ASIC4: variants seen among roughly 807,000 people sequenced by gnomAD.
ASIC4 encodes the protein acid-sensing ion channel 4.
A neutral mutation model predicts 53.4 loss-of-function variants in ASIC4; 28 were observed. That is an observed-to-expected ratio of 0.52 (90% CI 0.39 to 0.72). ASIC4 has a LOEUF of 0.72. Ranked by LOEUF, ASIC4 falls within the 30% of genes least tolerant of loss-of-function variation. ASIC4 has a pLI of 0.00. For missense variants in ASIC4, 649 were observed against 729.7 expected, an observed-to-expected ratio of 0.89 and a Z score of 1.27; for synonymous variants, 289 against 301.4, an observed-to-expected ratio of 0.96 and a Z score of 0.43.
chr2:219,519,592 G>A (rs1471685737), intron 1 of ASIC4, among the ~76,000 whole-genome samples: 1 of 152,236 alleles, frequency 6.6e-6, no homozygotes, highest in Non-Finnish European at 1.5e-5. Context: ...CTCTGCACCT[G>A]TGCTTGTCCA....
intron 1 of ASIC4, among the ~76,000 whole-genome samples, chr2:219,526,025 C>G (rs961038592): frequency 3.9e-5 from 6 of 152,346 alleles, no homozygotes; most frequent in East Asian, 1.9e-4. Flanking sequence ...CTGGCTGCTT[C>G]TTATCTCCTG....
intron 4 of ASIC4, 107 bp from the exon 5 acceptor site, chr2:219,532,776 G>A (rs1695064426): frequency 9.1e-7 from 1 of 1,095,816 alleles, no homozygotes; most frequent in Admixed American, 2.0e-5. Flanking sequence ...GCACATTTAT[G>A]CAAATGTGTG....
chr2:219,533,146 G>T, intron 5 of ASIC4: 1 of 614,262 alleles, frequency 1.6e-6, no homozygotes, highest in Non-Finnish European at 2.9e-6. Flanking sequence ...GGAGGCAGCA[G>T]GGTGGGGGGT....
upstream of ASIC4, among the ~76,000 whole-genome samples, chr2:219,509,496 C>A (rs1159677489): frequency 6.6e-6 from 1 of 152,138 alleles, no homozygotes; most frequent in African/African-American, 2.4e-5. This position sits in a 1 kb window ranked among gnomAD's most constrained non-coding sequence, Gnocchi z 5.2. Context: ...ATTACCCGGC[C>A]CCGCCTGCCA....
intron 1 of ASIC4, among the ~76,000 whole-genome samples, chr2:219,522,777 G>A (rs916363272): frequency 1.3e-5 from 2 of 152,102 alleles, no homozygotes; most frequent in Non-Finnish European, 2.9e-5. Flanking sequence ...TCCCTCCGCG[G>A]TGGAAGCCTC....
At chr2:219,521,468 T>C (rs1343737021) in intron 1 of ASIC4, among the ~76,000 whole-genome samples, 1 of 152,232 alleles carries the variant, frequency 6.6e-6, no homozygotes, top group Non-Finnish European at 1.5e-5. Context: ...CTGCTCCCTC[T>C]TGTGGCTGGC....
chr2:219,519,260 T>C (rs1292715531), intron 1 of ASIC4, among the ~76,000 whole-genome samples: 1 of 152,204 alleles, frequency 6.6e-6, no homozygotes, highest in Non-Finnish European at 1.5e-5. Flanking sequence ...CTTAGCACAC[T>C]ACCTGGCACA....
Position 219,514,935 on chromosome 2 carries a change from G to A in ASIC4, c.211G>A (p.Ala71Thr), listed in dbSNP as rs371198006. Residue 71 changes from alanine (A) to threonine (T), a missense_variant, in exon 1 of 10, where the codon GCA (alanine) becomes ACA (threonine). Coordinates refer to ENST00000358078, the MANE Select transcript of ASIC4 (RefSeq NM_018674.6). ...CCACGGACTGCGCAGAACCCTGTGG[G>A]CACTGGCCCTACTCACCTCGCTGGC... is the stretch of plus-strand genomic sequence containing the variant. Reference protein sequence around the residue: ...GPHGLRRTLWALALLTSLAAF... With the variant: ...GPHGLRRTLWTLALLTSLAAF... The A allele has an allele frequency of 6.2e-7, 1 of 1,613,080 alleles. No homozygotes were observed. Among genetic ancestry groups the A allele is most frequent in the South Asian group, 1.1e-5 (1 of 91,070 alleles).
chr2:219,523,160 T>A (rs760452772), intron 1 of ASIC4, among the ~76,000 whole-genome samples: 2 of 152,190 alleles, frequency 1.3e-5, no homozygotes, highest in Non-Finnish European at 2.9e-5. Context: ...GCAAAACTCT[T>A]GACGAGGAAC....
In ASIC4 at chr2:219,537,830, C is replaced by G. The variant is rs994085838; in HGVS notation, c.1506+94C>G. 6.7e-7 allele frequency: 1 copy of G among 1,501,560 alleles called. No individual in the cohort carries two copies. Among genetic ancestry groups the G allele is most frequent in the East Asian group, 2.4e-5 (1 of 41,412 alleles). 93.0% of individuals were successfully genotyped at this position (1,501,560 alleles called of 1,614,324 possible). ...TCTGAACCAGCCTGTGGAGGGGGCC[C>G]TGGAGCCTCTGCCCGAGGTGACAAG... On this transcript the variant is annotated intron_variant, in intron 9 of 9. Coordinates refer to ENST00000358078, the MANE Select transcript of ASIC4 (RefSeq NM_018674.6). The surrounding 1 kb of genome is among the most constrained non-coding windows in gnomAD (Gnocchi z 4.9).
In ASIC4 at chr2:219,516,453, C is replaced by G. The variant is rs1694790542; in HGVS notation, c.582+1147C>G. 6.6e-6 allele frequency among the ~76,000 whole-genome samples: 1 copy of G among 151,918 alleles called. No individual in the cohort carries two copies. Among genetic ancestry groups the G allele is most frequent in the East Asian group, 1.9e-4 (1 of 5,188 alleles). On this transcript the variant is annotated intron_variant, in intron 1 of 9. Coordinates refer to ENST00000358078, the MANE Select transcript of ASIC4 (RefSeq NM_018674.6). The surrounding 1 kb of genome is among the most constrained non-coding windows in gnomAD (Gnocchi z 4.9). Reference sequence around the variant, plus strand: ...TGAGGGGGTGGGCGTGTCTTGTACACTGCCTGTCTGTCAGGGCTCCATTCA... The same window carrying G: ...TGAGGGGGTGGGCGTGTCTTGTACAGTGCCTGTCTGTCAGGGCTCCATTCA...
At chr2:219,515,873 C>T (rs1042557984) in intron 1 of ASIC4, among the ~76,000 whole-genome samples, 1 of 152,136 alleles carries the variant, frequency 6.6e-6, no homozygotes, top group African/African-American at 2.4e-5. Context: ...GTGTGTCTCT[C>T]ACATGCCTGC....
At chr2:219,535,548 G>A (rs531834252) in intron 6 of ASIC4, among the ~76,000 whole-genome samples, 22 of 95,504 alleles carry the variant, frequency 2.3e-4, no homozygotes, top group African/African-American at 6.0e-4. Context: ...GTGGGTGTGT[G>A]AGTGTGTGAT....
the ASIC4 span, among the ~76,000 whole-genome samples, chr2:219,507,763 A>G: frequency 6.6e-6 from 1 of 152,064 alleles, no homozygotes; most frequent in Non-Finnish European, 1.5e-5. Flanking sequence ...GAATCTAATT[A>G]CCCGAAGAGA....
In ASIC4 at chr2:219,514,890, C is replaced by G. The variant is rs770757537; in HGVS notation, c.166C>G (p.Arg56Gly). The change falls in exon 1 of 10, where the codon CGG (arginine) becomes GGG (glycine). Residue 56 changes from arginine (R) to glycine (G), a missense_variant. Physicochemically the swap from Arg to Gly is moderately radical, Grantham distance 125 (BLOSUM62 -2). Transcript: ENST00000358078. ...ASTSTLHGLG[R>G]ACGPGPHGLR... The stretch of plus-strand genomic sequence containing the variant: ...CACCAGCACCCTGCATGGACTGGGC[C>G]GGGCCTGTGGCCCAGGCCCCCACGG... 1.2e-6 allele frequency: 2 copies of G among 1,612,758 alleles called. No individual in the cohort carries two copies.
chr2:219,524,433 T>C (rs1397676272), intron 1 of ASIC4, among the ~76,000 whole-genome samples: 1 of 152,254 alleles, frequency 6.6e-6, no homozygotes, highest in Non-Finnish European at 1.5e-5. Context: ...TCCGTTACCC[T>C]GTCTGTAAAA....
intron 1 of ASIC4, among the ~76,000 whole-genome samples, chr2:219,531,320 C>T (rs1183703249): frequency 2.6e-5 from 4 of 151,776 alleles, no homozygotes; most frequent in Admixed American, 6.6e-5. Context: ...GAGCCGAGAT[C>T]GTGCCACTGC....
chr2:219,515,600 A>AG (rs2125653144), intron 1 of ASIC4, among the ~76,000 whole-genome samples: 1 of 152,360 alleles, frequency 6.6e-6, no homozygotes, highest in African/African-American at 2.4e-5. Context: ...GCATGGGCCC[A>AG]GGTGTCCTGG....
rs113299906 is a variant in ASIC4, at chr2:219,532,351, G to A, written c.892G>A (p.Ala298Thr). The A allele has an allele frequency of 1.1e-3, 1,848 of 1,613,682 alleles. 14 individuals are homozygous for A. The African/African-American group carries it at 0.022, about 19-fold the overall frequency. Residue 298 changes from alanine to threonine, a missense_variant, in exon 4 of 10, where the codon GCA (alanine) becomes ACA (threonine). Coordinates refer to ENST00000358078, the MANE Select transcript of ASIC4 (RefSeq NM_018674.6). ...GCCCCAGCCCTGGGGCAACTGCCGCGCAGAGAGTGAGCTCAGGGAGCCTGA... is the reference window on the plus strand; with the variant it reads ...GCCCCAGCCCTGGGGCAACTGCCGCACAGAGAGTGAGCTCAGGGAGCCTGA... ...YLPQPWGNCR[A>T]ESELREPELQ...
Sources: gnomAD v4.1 joint callset for allele counts (sites outside exome capture counted in the v4.1 genomes callset) on GRCh38, gnomAD v4.1.1 for gene constraint, Gnocchi (gnomAD v3.1) non-coding constraint, MANE v1.5 for transcripts, NCBI Gene and HGNC (gene_info 2026-07-23, HGNC 2026-07-21) for gene names.